Variants in GRIK4 observed in about 807,000 individuals in gnomAD.
GRIK4 encodes glutamate receptor ionotropic, kainate 4.
Under a neutral mutation model 104.9 loss-of-function variants are expected in GRIK4, and 40 were observed. The ratio of observed to expected loss-of-function variants is 0.38; its 90% CI spans 0.30 to 0.50. The LOEUF is 0.50. Ranked by LOEUF, GRIK4 falls within the 20% of genes least tolerant of loss-of-function variation. GRIK4 has a pLI of 0.93. For missense variants in GRIK4, 1,047 were observed against 1,308.1 expected (o/e 0.80, Z 3.08); for synonymous variants, 485 against 524.9 (o/e 0.92, Z 1.04).
intron 20 of GRIK4, among the ~76,000 whole-genome samples, chr11:120,984,529 G>A (rs1944705172): frequency 6.6e-6 from 1 of 152,146 alleles, no homozygotes; most frequent in African/African-American, 2.4e-5. Context: ...AGCACTTTGG[G>A]AGGCCGAGGC....
chr11:120,939,156 A>G lies in GRIK4; in HGVS notation c.1477-1191A>G, dbSNP rs1262239757. Among the ~76,000 whole-genome samples, 2 of 152,146 alleles carry G rather than the reference A, an allele frequency of 1.3e-5. No individual in the cohort carries two copies. The highest frequency in any genetic ancestry group is 1.3e-4 in the Admixed American group (2 of 15,272). On this transcript the variant is annotated intron_variant, in intron 13 of 20. Transcript: ENST00000527524. The surrounding 1 kb of genome is among the most constrained non-coding windows in gnomAD (Gnocchi z 5.6). ...TTTCCCACTGCCCCATGTGTAGGAG[A>G]GTAGACTAATAGGAAACAGACTTGC...
intron 1 of GRIK4, among the ~76,000 whole-genome samples, chr11:120,541,728 A>C (rs1385586720): frequency 6.6e-6 from 1 of 152,150 alleles, no homozygotes; most frequent in Non-Finnish European, 1.5e-5. Flanking sequence ...GGCTTAAGCA[A>C]TCTGCCTGCC....
At chr11:120,761,293 T>C (rs527877794) in intron 3 of GRIK4, among the ~76,000 whole-genome samples, 118 of 152,192 alleles carry the variant, frequency 7.8e-4, no homozygotes, top group Middle Eastern at 3.4e-3. Context: ...TTTGATGGGG[T>C]TGTTTGTTTT....
At chr11:120,537,056 T>C (rs556730895) in intron 1 of GRIK4, among the ~76,000 whole-genome samples, 41 of 152,230 alleles carry the variant, frequency 2.7e-4, no homozygotes, top group African/African-American at 9.2e-4. Context: ...CCACAGTTCT[T>C]TCGGAAGAGA....
At chr11:120,540,562 A>G (rs1411528308) in intron 1 of GRIK4, among the ~76,000 whole-genome samples, 1 of 152,116 alleles carries the variant, frequency 6.6e-6, no homozygotes, top group Non-Finnish European at 1.5e-5. Context: ...TGCAGTGAGC[A>G]GAGATCGTGC....
At chr11:120,911,154 C>T (rs527707290) in intron 13 of GRIK4, among the ~76,000 whole-genome samples, 1 of 151,650 alleles carries the variant, frequency 6.6e-6, no homozygotes, top group East Asian at 1.9e-4. Context: ...GCAGGGGAGC[C>T]GGGAAGAAGG....
chr11:120,672,081 T>C (rs1413538352), intron 3 of GRIK4, among the ~76,000 whole-genome samples: 1 of 152,220 alleles, frequency 6.6e-6, no homozygotes, highest in African/African-American at 2.4e-5. Flanking sequence ...TTTGTTCTTT[T>C]TGCTTAGGAT....
At chr11:120,536,774 C>T (rs1216530565) in intron 1 of GRIK4, among the ~76,000 whole-genome samples, 1 of 152,216 alleles carries the variant, frequency 6.6e-6, no homozygotes, top group Non-Finnish European at 1.5e-5. Context: ...AATGGACCCA[C>T]ACCAACAAGA....
At chr11:120,758,927 G>C (rs1378394781) in intron 3 of GRIK4, among the ~76,000 whole-genome samples, 1 of 152,188 alleles carries the variant, frequency 6.6e-6, no homozygotes, top group Non-Finnish European at 1.5e-5. Context: ...GGATACAGTA[G>C]AGAACAAGAC....
chr11:120,672,587 T>G (rs1279526323), intron 3 of GRIK4, among the ~76,000 whole-genome samples: 1 of 152,240 alleles, frequency 6.6e-6, no homozygotes. Flanking sequence ...TTTCCGTTTG[T>G]GTCCTCTCTT....
At chr11:120,609,144 C>A (rs990962618) in intron 1 of GRIK4, among the ~76,000 whole-genome samples, 1 of 152,174 alleles carries the variant, frequency 6.6e-6, no homozygotes, top group African/African-American at 2.4e-5. Flanking sequence ...CGCCTCCCCT[C>A]CTGCTTCAGT....
At chr11:120,748,127 G>A (rs1002074615) in intron 3 of GRIK4, among the ~76,000 whole-genome samples, 1 of 151,980 alleles carries the variant, frequency 6.6e-6, no homozygotes, top group African/African-American at 2.4e-5. Flanking sequence ...CCAAGACCTT[G>A]GCTGGGGAGT....
At chr11:120,689,213 G>A (rs1056307097) in intron 3 of GRIK4, among the ~76,000 whole-genome samples, 1 of 151,966 alleles carries the variant, frequency 6.6e-6, no homozygotes, top group African/African-American at 2.4e-5. Context: ...TATGGAAACC[G>A]GAAGTTTCCA....
intron 8 of GRIK4, among the ~76,000 whole-genome samples, chr11:120,859,987 T>C (rs1954219253): frequency 6.6e-6 from 1 of 152,184 alleles, no homozygotes; most frequent in African/African-American, 2.4e-5. Flanking sequence ...TGTCTGGAGC[T>C]GTGTGGCAAG....
At chr11:120,654,388 G>C (rs1006605931) in intron 2 of GRIK4, among the ~76,000 whole-genome samples, 1 of 152,112 alleles carries the variant, frequency 6.6e-6, no homozygotes, top group Non-Finnish European at 1.5e-5. Flanking sequence ...AGTTGAGACA[G>C]TATCTCGCTC....
At chr11:120,968,421 C>T (rs763798671) in intron 19 of GRIK4, among the ~76,000 whole-genome samples, 11 of 152,258 alleles carry the variant, frequency 7.2e-5, no homozygotes, top group East Asian at 1.9e-4. Flanking sequence ...TACCTGTCCA[C>T]GCTCTGCCCG....
At chr11:120,879,819 C>T (rs150439108) in intron 11 of GRIK4, among the ~76,000 whole-genome samples, 2 of 152,168 alleles carry the variant, frequency 1.3e-5, no homozygotes, top group African/African-American at 2.4e-5. Context: ...TTTCATGACA[C>T]GGAAGATGGC....
intron 1 of GRIK4, among the ~76,000 whole-genome samples, chr11:120,589,709 C>T (rs755979635): frequency 1.3e-5 from 2 of 152,228 alleles, no homozygotes; most frequent in Non-Finnish European, 2.9e-5. Context: ...TCTCTCACCA[C>T]CCGCTGCCTG....
intron 3 of GRIK4, among the ~76,000 whole-genome samples, chr11:120,687,487 T>C (rs766009935): frequency 7.9e-5 from 12 of 152,240 alleles, no homozygotes; most frequent in Non-Finnish European, 1.3e-4. Flanking sequence ...TCCTTTTCTG[T>C]TAACTTGTCT....
Sources: gnomAD v4.1 joint callset for allele counts (sites outside exome capture counted in the v4.1 genomes callset) on GRCh38, gnomAD v4.1.1 for gene constraint, Gnocchi (gnomAD v3.1) non-coding constraint, MANE v1.5 for transcripts, NCBI Gene and HGNC (gene_info 2026-07-23, HGNC 2026-07-21) for gene names.